The following NAV2 variants were observed in gnomAD, a reference collection of about 807,000 sequenced individuals.
NAV2 encodes the protein neuron navigator 2.
Under a neutral mutation model 223.2 loss-of-function variants are expected in NAV2, and 54 were observed. The observed-to-expected ratio is 0.24, with a 90% CI of 0.19 to 0.30. The LOEUF is 0.30. Ranked by LOEUF, NAV2 falls within the 10% of genes least tolerant of loss-of-function variation. The pLI, the probability that NAV2 is intolerant of heterozygous loss-of-function variation, is 1.00. For synonymous variants in NAV2, 1,279 were observed against 1,239.3 expected, an observed-to-expected ratio of 1.03 and a Z score of -0.67; for missense variants, 2,806 against 3,147.5, an observed-to-expected ratio of 0.89 and a Z score of 2.60.
chr11:19,521,341 T>C (rs1565011278), intron 1 of NAV2, among the ~76,000 whole-genome samples: 1 of 152,146 alleles, frequency 6.6e-6, no homozygotes, highest in Non-Finnish European at 1.5e-5. Flanking sequence ...AAGTCCTAGG[T>C]AGCTGTGATC....
chr11:19,379,944 G>C (rs1848778950), intron 1 of NAV2, among the ~76,000 whole-genome samples: 1 of 151,734 alleles, frequency 6.6e-6, no homozygotes. Context: ...TTAACATCTT[G>C]GTTAGCTTTA....
chr11:19,967,883 G>T (rs559947604), intron 10 of NAV2, among the ~76,000 whole-genome samples: 51 of 152,308 alleles, frequency 3.3e-4, no homozygotes, highest in African/African-American at 1.2e-3. Context: ...TGGAGATAAG[G>T]ATCTCCTTGG....
chr11:19,618,406 ATGGAT>A (rs2046871525), intron 1 of NAV2, among the ~76,000 whole-genome samples: 1 of 29,684 alleles, frequency 3.4e-5, no homozygotes, highest in African/African-American at 6.2e-5. Flanking sequence ...GAATAGATGG[ATGGAT>A]GGATGGATGG....
chr11:19,636,963 A>T (rs554749868), intron 1 of NAV2, among the ~76,000 whole-genome samples: 1 of 152,358 alleles, frequency 6.6e-6, no homozygotes, highest in East Asian at 1.9e-4. Flanking sequence ...AAAAATATTC[A>T]AATGGGCCAG....
chr11:20,094,312 C>G (rs1294286920), intron 29 of NAV2, among the ~76,000 whole-genome samples: 2 of 147,168 alleles, frequency 1.4e-5, no homozygotes. Flanking sequence ...TCACTGCAAC[C>G]TCTGCCTCCC....
At chr11:19,471,472 A>G (rs2041963608) in intron 1 of NAV2, among the ~76,000 whole-genome samples, 1 of 152,196 alleles carries the variant, frequency 6.6e-6, no homozygotes, top group African/African-American at 2.4e-5. Context: ...GTACTTCAGG[A>G]CTACCTGAAA....
At chr11:19,356,910 T>C (rs761044507) in intron 1 of NAV2, among the ~76,000 whole-genome samples, 2 of 152,228 alleles carry the variant, frequency 1.3e-5, no homozygotes, top group Non-Finnish European at 2.9e-5. Flanking sequence ...AGTTGGGTTA[T>C]TTTTGGTCCT....
chr11:19,724,161 A>C (rs1590185364), intron 1 of NAV2, among the ~76,000 whole-genome samples: 1 of 152,166 alleles, frequency 6.6e-6, no homozygotes, highest in East Asian at 1.9e-4. Context: ...CCCAGAGAGG[A>C]GTGTGACTTG....
chr11:19,467,012 C>T (rs975838676), intron 1 of NAV2, among the ~76,000 whole-genome samples: 2 of 134,374 alleles, frequency 1.5e-5, no homozygotes, highest in Admixed American at 1.5e-4. Context: ...CACACACACA[C>T]ACACACAGAG....
intron 1 of NAV2, among the ~76,000 whole-genome samples, chr11:19,593,419 G>A (rs1009430739): frequency 1.3e-5 from 2 of 152,132 alleles, no homozygotes; most frequent in Non-Finnish European, 2.9e-5. Flanking sequence ...ATACATGACT[G>A]ACTGACAGAC....
At chr11:19,371,985 G>T (rs1848487237) in intron 1 of NAV2, among the ~76,000 whole-genome samples, 1 of 151,948 alleles carries the variant, frequency 6.6e-6, no homozygotes, top group Non-Finnish European at 1.5e-5. Flanking sequence ...TACCATGTTG[G>T]CCAGGCTGGT....
intron 1 of NAV2, among the ~76,000 whole-genome samples, chr11:19,723,831 A>G: frequency 6.6e-6 from 1 of 152,216 alleles, no homozygotes; most frequent in East Asian, 1.9e-4. Flanking sequence ...CTCTGCAGAC[A>G]GTCCCCATTT....
At chr11:19,497,223 G>C (rs1468859306) in intron 1 of NAV2, among the ~76,000 whole-genome samples, 2 of 152,218 alleles carry the variant, frequency 1.3e-5, no homozygotes, top group East Asian at 1.9e-4. Context: ...GACAGTCTCT[G>C]CCTCACAGGT....
chr11:19,500,595 A>G (rs549400937), intron 1 of NAV2, among the ~76,000 whole-genome samples: 1 of 152,368 alleles, frequency 6.6e-6, no homozygotes, highest in Admixed American at 6.5e-5. Flanking sequence ...TGCTTAAATT[A>G]CTTTTAAGCA....
At chr11:19,923,667 C>A (rs1259629655) in intron 6 of NAV2, among the ~76,000 whole-genome samples, 3 of 152,132 alleles carry the variant, frequency 2.0e-5, no homozygotes, top group African/African-American at 4.8e-5. Context: ...TTGCATTCTG[C>A]CAAAAAGCTG....
At chr11:19,750,106 T>C (rs2053679887) in intron 1 of NAV2, among the ~76,000 whole-genome samples, 1 of 152,248 alleles carries the variant, frequency 6.6e-6, no homozygotes. Flanking sequence ...CTAACGAACC[T>C]CTTCGCTCTC....
At chr11:19,434,359 G>C (rs2133627120) in intron 1 of NAV2, among the ~76,000 whole-genome samples, 1 of 152,336 alleles carries the variant, frequency 6.6e-6, no homozygotes, top group East Asian at 1.9e-4. Context: ...GTGATTAGGT[G>C]ATGGAGAACT....
At chr11:19,423,766 G>A (rs1850712352) in intron 1 of NAV2, among the ~76,000 whole-genome samples, 1 of 152,176 alleles carries the variant, frequency 6.6e-6, no homozygotes, top group South Asian at 2.1e-4. Context: ...TGACTGTCAG[G>A]AGTTTCTTCT....
chr11:19,794,003 A>C (rs2057727207), intron 1 of NAV2, among the ~76,000 whole-genome samples: 1 of 152,104 alleles, frequency 6.6e-6, no homozygotes, highest in Non-Finnish European at 1.5e-5. Context: ...AGGGTACATC[A>C]CAAACTGAAA....
Sources: gnomAD v4.1 joint callset for allele counts (sites outside exome capture counted in the v4.1 genomes callset) on GRCh38, gnomAD v4.1.1 for gene constraint, MANE v1.5 for transcripts, NCBI Gene and HGNC (gene_info 2026-07-23, HGNC 2026-07-21) for gene names.